Variants in RFX3 observed in about 807,000 individuals in gnomAD.
The protein encoded by RFX3 is regulatory factor X3.
A neutral mutation model predicts 98.6 loss-of-function variants in RFX3; 14 were observed. The observed-to-expected ratio is 0.14, with a 90% confidence interval of 0.09 to 0.22. The LOEUF is 0.22. Ranked by LOEUF, RFX3 falls within the 10% of genes least tolerant of loss-of-function variation. The pLI is 1.00. For synonymous variants in RFX3, 383 were observed against 328.4 expected, an observed-to-expected ratio of 1.17 and a Z score of -1.80; for missense variants, 639 against 926.9, an observed-to-expected ratio of 0.69 and a Z score of 4.03.
intron 1 of RFX3, among the ~76,000 whole-genome samples, chr9:3,516,598 C>T (rs764705376): frequency 6.6e-6 from 1 of 152,128 alleles, no homozygotes; most frequent in Non-Finnish European, 1.5e-5. Flanking sequence ...GGATTTTTAG[C>T]TCTTCTTAAA....
At chr9:3,225,874 GTA>G (rs1817705157) in intron 16 of RFX3, among the ~76,000 whole-genome samples, 1 of 152,148 alleles carries the variant, frequency 6.6e-6, no homozygotes, top group Non-Finnish European at 1.5e-5. Flanking sequence ...GGTTGAGGCA[GTA>G]GTATCAGATT....
In RFX3 at chr9:3,355,413, T is replaced by C. The variant is rs113423737; in HGVS notation, c.118-8649A>G. ...ATAAGAAAAAATGGACTGGCTATAT[T>C]AATATCAGTCAAAGTAGACTTCAGG... On this transcript the variant is annotated intron_variant, in intron 2 of 16. Coordinates refer to ENST00000617270, the MANE Select transcript of RFX3 (RefSeq NM_001282116.2). Among the ~76,000 whole-genome samples, 4 of 152,000 alleles carry C rather than the reference T, an allele frequency of 2.6e-5. No individual in the cohort carries two copies. The East Asian group carries it at 7.7e-4, about 29-fold the overall frequency.
chr9:3,271,127 C>G lies in RFX3; in HGVS notation c.1087-9G>C. Reference sequence around the variant, plus strand: ...ACAACGTCCAATATTGCCTAAAAAACAAAATGGTACCAGTATTACCTTACA... The same window carrying G: ...ACAACGTCCAATATTGCCTAAAAAAGAAAATGGTACCAGTATTACCTTACA... On this transcript the variant is annotated splice_polypyrimidine_tract_variant and intron_variant, in intron 9 of 16. Coordinates refer to ENST00000617270, the MANE Select transcript of RFX3 (RefSeq NM_001282116.2). 6.2e-7 allele frequency: 1 copy of G among 1,611,100 alleles called. No individual in the cohort carries two copies. The highest frequency in any genetic ancestry group is 8.5e-7 in the Non-Finnish European group (1 of 1,177,480).
At chr9:3,370,147 AG>A (rs1203720570) in intron 2 of RFX3, among the ~76,000 whole-genome samples, 14 of 150,680 alleles carry the variant, frequency 9.3e-5, no homozygotes, top group African/African-American at 3.2e-4. Context: ...AGCCCAGAGC[AG>A]TTTTTTTAAG....
Position 3,491,263 on chromosome 9 carries a change from C to A in RFX3, c.-9+34484G>T, listed in dbSNP as rs374326403. Among the ~76,000 whole-genome samples, 4 of 152,152 alleles carry A rather than the reference C, an allele frequency of 2.6e-5. No individual in the cohort carries two copies. In the South Asian group the frequency reaches 6.2e-4, roughly 24 times the overall value. ...TCACTAAAACAATCACAGGTGTTTG[C>A]TGTGTATTTAGGTGATAACAAACCA... On this transcript the variant is annotated intron_variant, in intron 1 of 16. Transcript: ENST00000617270.
At position 3,400,757 on chromosome 9, in the gene RFX3, G is replaced by T. The variant is rs1359568037; in HGVS notation, c.-8-5161C>A. 2.6e-5 allele frequency among the ~76,000 whole-genome samples: 4 copies of T among 152,110 alleles called. No homozygotes were observed. In the East Asian group the frequency reaches 5.8e-4, roughly 22 times the overall value. ...TGTAATAGTTTTTTCCTGGTGCCAGGCACTACACTAAGTGCTTTAAATACA... is the reference window on the plus strand; with the variant it reads ...TGTAATAGTTTTTTCCTGGTGCCAGTCACTACACTAAGTGCTTTAAATACA... On this transcript the variant is annotated intron_variant, in intron 1 of 16. Coordinates refer to ENST00000617270, the MANE Select transcript of RFX3 (RefSeq NM_001282116.2).
intron 12 of RFX3, among the ~76,000 whole-genome samples, chr9:3,265,067 A>G (rs1823440454): frequency 6.8e-6 from 1 of 147,526 alleles, no homozygotes; most frequent in Non-Finnish European, 1.5e-5. Context: ...CTCTGCCATG[A>G]TGGACATGCT....
chr9:3,471,989 G>T (rs904690093), intron 1 of RFX3, among the ~76,000 whole-genome samples: 6 of 152,192 alleles, frequency 3.9e-5, no homozygotes, highest in African/African-American at 1.4e-4. Context: ...AAACAGCACT[G>T]GCTGGCCATG....
At chr9:3,322,982 C>A (rs1306061344) in intron 4 of RFX3, among the ~76,000 whole-genome samples, 2 of 152,168 alleles carry the variant, frequency 1.3e-5, no homozygotes, top group African/African-American at 2.4e-5. Context: ...CTCAAACTTA[C>A]ACTTAGTAAA....
chr9:3,499,610 T>A (rs561781091), intron 1 of RFX3, among the ~76,000 whole-genome samples: 217 of 152,094 alleles, frequency 1.4e-3, no homozygotes, highest in African/African-American at 5.1e-3. Flanking sequence ...TTGTGGGAAA[T>A]GGATTTTGAA....
intron 15 of RFX3, among the ~76,000 whole-genome samples, chr9:3,241,446 A>AGC (rs1014464111): frequency 4.6e-5 from 7 of 152,170 alleles, no homozygotes; most frequent in Non-Finnish European, 1.0e-4. Flanking sequence ...CAGGGAAGAA[A>AGC]GCCACGCATA....
Position 3,366,365 on chromosome 9 carries a change from G to A in RFX3, c.118-19601C>T, listed in dbSNP as rs552977116. 2.5e-4 allele frequency among the ~76,000 whole-genome samples: 38 copies of A among 152,210 alleles called. 1 individual carries two copies. The highest frequency in any genetic ancestry group is 4.3e-4 in the Non-Finnish European group (29 of 68,004). On this transcript the variant is annotated intron_variant, in intron 2 of 16. Coordinates refer to ENST00000617270, the MANE Select transcript of RFX3 (RefSeq NM_001282116.2). Reference sequence around the variant, plus strand: ...CATCTTTGGAGCTGTTTCCAAGTGCGTGTATACGTGTGTGTCTGCACATAC... The same window carrying A: ...CATCTTTGGAGCTGTTTCCAAGTGCATGTATACGTGTGTGTCTGCACATAC...
At chr9:3,388,914 T>G (rs555870310) in intron 2 of RFX3, among the ~76,000 whole-genome samples, 2 of 152,178 alleles carry the variant, frequency 1.3e-5, no homozygotes, top group Admixed American at 6.6e-5. Context: ...AGAAAAAGAT[T>G]TGTGCTCTTC....
chr9:3,430,639 T>C (rs1403809903), intron 1 of RFX3, among the ~76,000 whole-genome samples: 1 of 152,180 alleles, frequency 6.6e-6, no homozygotes, highest in Non-Finnish European at 1.5e-5. Flanking sequence ...AAAATCTGAT[T>C]CATTCTTTTG....
At chr9:3,457,173 A>G (rs545206015) in intron 1 of RFX3, among the ~76,000 whole-genome samples, 29 of 149,958 alleles carry the variant, frequency 1.9e-4, no homozygotes, top group African/African-American at 6.6e-4. Context: ...AAAAAAAAGA[A>G]AAGAATTGTC....
intron 15 of RFX3, chr9:3,247,526 C>T: frequency 1.1e-6 from 1 of 898,552 alleles, no homozygotes; most frequent in South Asian, 3.2e-5. Flanking sequence ...TGCTTTATTA[C>T]ATGTAAAAAA....
intron 1 of RFX3, among the ~76,000 whole-genome samples, chr9:3,409,958 T>C (rs954338596): frequency 2.6e-5 from 4 of 152,036 alleles, no homozygotes; most frequent in African/African-American, 4.8e-5. Context: ...CTATGGTTAA[T>C]AGGAGAAGAA....
intron 14 of RFX3, among the ~76,000 whole-genome samples, chr9:3,252,075 C>A (rs781004725): frequency 1.5e-4 from 23 of 151,992 alleles, no homozygotes; most frequent in Non-Finnish European, 7.4e-5. Flanking sequence ...GTCGAACTCC[C>A]GACCTCAGGT....
chr9:3,249,608 C>T (rs945605464), intron 14 of RFX3, among the ~76,000 whole-genome samples: 2 of 152,018 alleles, frequency 1.3e-5, no homozygotes, highest in African/African-American at 4.8e-5. Context: ...GCAAGAATAG[C>T]AATTATTATA....
Sources: gnomAD v4.1 joint callset for allele counts (sites outside exome capture counted in the v4.1 genomes callset) on GRCh38, gnomAD v4.1.1 for gene constraint, MANE v1.5 for transcripts, NCBI Gene and HGNC (gene_info 2026-07-23, HGNC 2026-07-21) for gene names.